ARHGEF38: variants seen among roughly 807,000 people sequenced by gnomAD.
ARHGEF38 encodes Rho guanine nucleotide exchange factor 38, also known as Rho guanine nucleotide exchange factor (GEF) 38.
In ARHGEF38, 79 loss-of-function variants were observed where a neutral mutation model predicts 79.9. That is an observed-to-expected ratio of 0.99 (90% CI 0.82 to 1.19). ARHGEF38 has a LOEUF of 1.19. Among genes scored for constraint, ARHGEF38 ranks in the 50% most tolerant of loss-of-function variants. ARHGEF38 has a pLI of 0.00. For missense variants in ARHGEF38, 962 were observed against 907.2 expected, an observed-to-expected ratio of 1.06 and a Z score of -0.78; for synonymous variants, 366 against 328.3, an observed-to-expected ratio of 1.11 and a Z score of -1.24.
chr4:105,584,100 C>T (rs968841378), intron 1 of ARHGEF38, among the ~76,000 whole-genome samples: 4 of 152,288 alleles, frequency 2.6e-5, no homozygotes, highest in African/African-American at 9.6e-5. Flanking sequence ...GTGCAGACAA[C>T]AGCAGTGTCT....
At chr4:105,564,922 G>C (rs563736339) in intron 1 of ARHGEF38, among the ~76,000 whole-genome samples, 1 of 152,262 alleles carries the variant, frequency 6.6e-6, no homozygotes, top group African/African-American at 2.4e-5. Context: ...TACATTTTAA[G>C]CTTGGGTCAG....
Position 105,630,906 on chromosome 4 carries a change from T to C in ARHGEF38, c.517T>C (p.Phe173Leu). Residue 173 changes from phenylalanine (F) to leucine (L), a missense_variant, in exon 4 of 14, where the codon TTC (phenylalanine) becomes CTC (leucine). Coordinates refer to ENST00000420470, the MANE Select transcript of ARHGEF38 (RefSeq NM_001242729.2). The part of the protein sequence containing the change: ...EPAMQVIGEV[F>L]LQIKGPLEDI... ...TGTTTTGCATTTATCAGGAGAAGTA[T>C]TCTTGCAGATTAAAGGGCCACTGGA... 6.2e-7 allele frequency: 1 copy of C among 1,608,792 alleles called. No individual in the cohort carries two copies. The highest frequency in any genetic ancestry group is 8.5e-7 in the Non-Finnish European group (1 of 1,178,490).
At position 105,680,727 on chromosome 4, in the gene ARHGEF38, T is replaced by G. The variant is rs1478817319; in HGVS notation, c.*2790T>G. The G allele has an allele frequency of 6.6e-6, 1 of 152,174 alleles. No individual in the cohort carries two copies. The highest frequency in any genetic ancestry group is 1.5e-5 in the Non-Finnish European group (1 of 68,024). 9.4% of individuals were successfully genotyped at this position (152,174 alleles called of 1,614,324 possible). A position where few individuals can be genotyped will look rare whatever the true frequency, so the allele number is the denominator to read the frequency against. Reference sequence around the variant, plus strand: ...CCTAAATATACGTGTGCACACATTATCTATACAAAGAGCCATACTCAGTGA... The same window carrying G: ...CCTAAATATACGTGTGCACACATTAGCTATACAAAGAGCCATACTCAGTGA... On this transcript the variant is annotated 3_prime_UTR_variant, in exon 14 of 14. Coordinates refer to ENST00000420470, the MANE Select transcript of ARHGEF38 (RefSeq NM_001242729.2).
At chr4:105,556,703 A>G (rs761388806) in intron 1 of ARHGEF38, among the ~76,000 whole-genome samples, 3 of 152,178 alleles carry the variant, frequency 2.0e-5, no homozygotes, top group Non-Finnish European at 4.4e-5. Context: ...TCAGCAGCCC[A>G]GAATACAGTA....
Position 105,666,207 on chromosome 4 carries a change from A to T in ARHGEF38, c.1576A>T (p.Ile526Phe). The change falls in exon 11 of 14, where the codon ATT (isoleucine) becomes TTT (phenylalanine). Residue 526 changes from isoleucine (I) to phenylalanine (F), a missense_variant. Ile to Phe is a conservative substitution (Grantham distance 21, BLOSUM62 0). Coordinates refer to ENST00000420470, the MANE Select transcript of ARHGEF38 (RefSeq NM_001242729.2). ...ACTGTTGGTTTCAAGCATTTCTGAG[A>T]TTCAGAATCAAGTACTAGAAGAGAT... is the stretch of plus-strand genomic sequence containing the variant. ...MPLLVSSISE[I>F]QNQVLEEIQN... The T allele has an allele frequency of 6.5e-7, 1 of 1,530,326 alleles. No homozygotes were observed. Among genetic ancestry groups the T allele is most frequent in the Non-Finnish European group, 8.7e-7 (1 of 1,145,210 alleles). 94.8% of individuals were successfully genotyped at this position (1,530,326 alleles called of 1,614,324 possible). A position where few individuals can be genotyped will look rare whatever the true frequency, so the allele number is the denominator to read the frequency against.
chr4:105,654,173 G>T lies in ARHGEF38; in HGVS notation c.1113+4G>T. On this transcript the variant is annotated splice_donor_region_variant and intron_variant, in intron 8 of 13. Coordinates refer to ENST00000420470, the MANE Select transcript of ARHGEF38 (RefSeq NM_001242729.2). The stretch of plus-strand genomic sequence containing the variant: ...ACTCTGTCTTCAACACATACAGGTA[G>T]GTGAGACACAACTGTTTTCAGTGTT... 6.9e-7 allele frequency: 1 copy of T among 1,442,996 alleles called. No homozygotes were observed. 89.4% of individuals were successfully genotyped at this position (1,442,996 alleles called of 1,614,324 possible). A position where few individuals can be genotyped will look rare whatever the true frequency, so the allele number is the denominator to read the frequency against.
intron 1 of ARHGEF38, among the ~76,000 whole-genome samples, chr4:105,556,727 T>C (rs1725268800): frequency 6.6e-6 from 1 of 152,128 alleles, no homozygotes; most frequent in East Asian, 1.9e-4. Flanking sequence ...ACTCAGTAAC[T>C]GTTAAATAGA....
chr4:105,582,197 A>C (rs1726830242), intron 1 of ARHGEF38, among the ~76,000 whole-genome samples: 1 of 148,382 alleles, frequency 6.7e-6, no homozygotes, highest in Non-Finnish European at 1.5e-5. Context: ...TATTCCTTGC[A>C]ATGTAGCTGC....
intron 2 of ARHGEF38, among the ~76,000 whole-genome samples, chr4:105,592,480 A>G (rs369758761): frequency 5.1e-4 from 77 of 151,792 alleles, no homozygotes; most frequent in African/African-American, 1.8e-3. Context: ...GGGCCCAAAG[A>G]TGCTTTAATT....
intron 1 of ARHGEF38, chr4:105,570,188 T>C (rs1451615288): frequency 6.6e-6 from 1 of 152,232 alleles, no homozygotes; most frequent in African/African-American, 2.4e-5. Context: ...TAGCATAATA[T>C]CCCATTTTTA....
chr4:105,606,840 A>G (rs989395932), intron 2 of ARHGEF38, among the ~76,000 whole-genome samples: 1 of 152,148 alleles, frequency 6.6e-6, no homozygotes, highest in Non-Finnish European at 1.5e-5. Flanking sequence ...CTAGAAAAAC[A>G]TATCTGAAAA....
At chr4:105,659,471 G>GGT (rs1162771432) in intron 10 of ARHGEF38, 106 bp downstream of exon 10, 2 of 1,096,878 alleles carry the variant, frequency 1.8e-6, no homozygotes, top group Non-Finnish European at 2.5e-6. Flanking sequence ...TATGCCGTGT[G>GGT]GTGTGTGTGT....
intron 6 of ARHGEF38, among the ~76,000 whole-genome samples, 165 bp from the exon 7 acceptor site, chr4:105,648,384 C>T (rs1157928463): frequency 6.6e-6 from 1 of 151,960 alleles, no homozygotes; most frequent in African/African-American, 2.4e-5. Flanking sequence ...CTGACTGGGA[C>T]ATGGGTGGAC....
chr4:105,648,441 T>C, intron 6 of ARHGEF38, 108 bp from the exon 7 acceptor site: 1 of 1,045,102 alleles, frequency 9.6e-7, no homozygotes, highest in Middle Eastern at 3.2e-4. Flanking sequence ...TCAAAAATCA[T>C]ATACATATTT....
chr4:105,587,576 T>C (rs1727117214), intron 1 of ARHGEF38, among the ~76,000 whole-genome samples: 1 of 152,216 alleles, frequency 6.6e-6, no homozygotes, highest in Admixed American at 6.5e-5. Flanking sequence ...TTCTCCTGCC[T>C]CAGCCTTCAA....
chr4:105,645,094 A>G (rs937240346), intron 5 of ARHGEF38, 94 bp from the exon 6 acceptor site: 35 of 945,212 alleles, frequency 3.7e-5, no homozygotes, highest in Non-Finnish European at 4.9e-5. Context: ...AAAAAGAGAA[A>G]ATGTTTTAGA....
At chr4:105,616,190 A>G (rs1728502076) in intron 3 of ARHGEF38, among the ~76,000 whole-genome samples, 1 of 152,198 alleles carries the variant, frequency 6.6e-6, no homozygotes, top group Non-Finnish European at 1.5e-5. Flanking sequence ...ATAGATTGAC[A>G]ACTCTTTTAC....
intron 2 of ARHGEF38, among the ~76,000 whole-genome samples, chr4:105,613,142 A>G (rs1728366900): frequency 6.6e-6 from 1 of 152,206 alleles, no homozygotes; most frequent in South Asian, 2.1e-4. Context: ...TTATAGGAAT[A>G]TATAGATGTA....
intron 5 of ARHGEF38, among the ~76,000 whole-genome samples, chr4:105,637,679 T>C (rs928213333): frequency 6.6e-6 from 1 of 152,096 alleles, no homozygotes; most frequent in Non-Finnish European, 1.5e-5. Flanking sequence ...AAATTCTGCT[T>C]AGGTTTCCTT....
Sources: gnomAD v4.1 joint callset for allele counts (sites outside exome capture counted in the v4.1 genomes callset) on GRCh38, gnomAD v4.1.1 for gene constraint, MANE v1.5 for transcripts, NCBI Gene and HGNC (gene_info 2026-07-23, HGNC 2026-07-21) for gene names.